The following RBM20 variants were observed in gnomAD, a reference collection of about 807,000 sequenced individuals.
The protein encoded by RBM20 is RNA-binding protein 20.
RBM20 carries 51 observed loss-of-function variants against 110.1 expected under a neutral mutation model. The observed-to-expected ratio is 0.46, with a 90% confidence interval of 0.37 to 0.59. RBM20 has a LOEUF of 0.59. RBM20 is among the 20% of genes least tolerant of loss of function. RBM20 has a pLI of 0.00. For missense variants in RBM20, 1,512 were observed against 1,574.9 expected (o/e 0.96, Z 0.68); for synonymous variants, 589 against 618.2 (o/e 0.95, Z 0.70).
At chr10:110,752,946 T>TATATATATA (rs372172985) in intron 1 of RBM20, among the ~76,000 whole-genome samples, 43 of 62,314 alleles carry the variant, frequency 6.9e-4, no homozygotes, top group African/African-American at 1.9e-3. Context: ...TATATATATA[T>TATATATATA]TTTTTTTTTT....
intron 7 of RBM20, among the ~76,000 whole-genome samples, chr10:110,809,079 G>T (rs772458759): frequency 6.6e-6 from 1 of 151,868 alleles, no homozygotes. Flanking sequence ...AGCCTGGTGT[G>T]GTGGTGAGCC....
At chr10:110,827,657 CAG>C (rs1476385189) in intron 12 of RBM20, 1 of 152,156 alleles carries the variant, frequency 6.6e-6, no homozygotes, top group Admixed American at 6.5e-5. Context: ...GGCTACTACG[CAG>C]AGTTATTTCG....
At chr10:110,702,055 G>T (rs1862766256) in intron 1 of RBM20, among the ~76,000 whole-genome samples, 1 of 152,212 alleles carries the variant, frequency 6.6e-6, no homozygotes, top group Admixed American at 6.5e-5. Context: ...GCCCCCAGAG[G>T]CACTGTGCTT....
At position 110,644,386 on chromosome 10, in the gene RBM20, G is replaced by GCGCCCGTGGCCCGGGAC; in HGVS notation, c.-63_-47dup. ...TGGGCACGGGGACCCCGGCCAGTGAGCGCCCGTGGCCCGGGACCGCCCCTC... is the reference window on the plus strand; with the variant it reads ...TGGGCACGGGGACCCCGGCCAGTGAGCGCCCGTGGCCCGGGACCGCCCGTGGCCCGGGACCGCCCCTC... On this transcript the variant is annotated 5_prime_UTR_variant, in exon 1 of 14. Transcript: ENST00000369519. This position sits in a 1 kb window ranked among gnomAD's most constrained non-coding sequence, Gnocchi z 4.3. 1 of 1,275,300 alleles carries GCGCCCGTGGCCCGGGAC rather than the reference G, an allele frequency of 7.8e-7. No individual in the cohort carries two copies. Among genetic ancestry groups the GCGCCCGTGGCCCGGGAC allele is most frequent in the Non-Finnish European group, 1.0e-6 (1 of 986,056 alleles). 79.0% of individuals were successfully genotyped at this position (1,275,300 alleles called of 1,614,324 possible).
At chr10:110,801,220 G>T (rs1008905499) in intron 7 of RBM20, among the ~76,000 whole-genome samples, 5 of 152,034 alleles carry the variant, frequency 3.3e-5, no homozygotes, top group African/African-American at 1.2e-4. Context: ...CGAGGTCAGG[G>T]GTTCAAGAGC....
intron 1 of RBM20, among the ~76,000 whole-genome samples, chr10:110,656,809 CT>C (rs1862032124): frequency 6.6e-6 from 1 of 152,192 alleles, no homozygotes; most frequent in African/African-American, 2.4e-5. Context: ...CACTTCATGC[CT>C]TTTCACTGCC....
intron 8 of RBM20, among the ~76,000 whole-genome samples, chr10:110,811,928 C>T (rs1209405176): frequency 1.3e-5 from 2 of 152,176 alleles, no homozygotes; most frequent in Admixed American, 6.5e-5. Context: ...CGCACACCCC[C>T]AGGAGGAGAG....
rs776297244 is a variant in RBM20, at chr10:110,812,331, C to T, written c.1934C>T (p.Pro645Leu). The change falls in exon 9 of 14, where the codon CCG becomes CTG. Residue 645 changes from proline (P) to leucine (L), a missense_variant. This residue lies in a region of RBM20 where 1,149 missense variants were observed against 1,169.4 expected (regional missense o/e 0.98). Transcript: ENST00000369519. ...AGTCCGGTGAGCCGGTCACTCTCCC[C>T]GAGGTCCCACACTCCCAGCTTCACC... ...SRSPVSRSLS[P>L]RSHTPSFTSC... 3.1e-5 allele frequency: 48 copies of T among 1,551,458 alleles called. No individual in the cohort carries two copies. Among genetic ancestry groups the T allele is most frequent in the South Asian group, 5.9e-5 (5 of 84,050 alleles).
chr10:110,798,761 TGAGA>T (rs1564849716), intron 6 of RBM20, among the ~76,000 whole-genome samples: 1 of 152,184 alleles, frequency 6.6e-6, no homozygotes, highest in East Asian at 1.9e-4. Flanking sequence ...TTTAAGGAAA[TGAGA>T]GAGTCAGGGG....
chr10:110,676,187 T>C (rs1862335987), intron 1 of RBM20, among the ~76,000 whole-genome samples: 1 of 152,222 alleles, frequency 6.6e-6, no homozygotes, highest in African/African-American at 2.4e-5. Context: ...ACATTTCCAT[T>C]GTACTGAAAT....
At chr10:110,676,491 A>G (rs1049122267) in intron 1 of RBM20, among the ~76,000 whole-genome samples, 5 of 152,250 alleles carry the variant, frequency 3.3e-5, no homozygotes, top group African/African-American at 1.2e-4. Flanking sequence ...GCTAATTCTA[A>G]CTATCGCTCT....
At chr10:110,736,582 C>T (rs1843672682) in intron 1 of RBM20, among the ~76,000 whole-genome samples, 1 of 152,092 alleles carries the variant, frequency 6.6e-6, no homozygotes, top group Admixed American at 6.5e-5. Flanking sequence ...CTGAGAGGGA[C>T]ATGGTGGTTG....
intron 1 of RBM20, among the ~76,000 whole-genome samples, chr10:110,668,728 C>T (rs1353933001): frequency 6.6e-6 from 1 of 152,114 alleles, no homozygotes; most frequent in East Asian, 1.9e-4. Context: ...TTCATGTCTG[C>T]TCTTTGAGGA....
chr10:110,673,393 G>A (rs1476041515), intron 1 of RBM20, among the ~76,000 whole-genome samples: 1 of 151,994 alleles, frequency 6.6e-6, no homozygotes, highest in East Asian at 1.9e-4. Flanking sequence ...TTTATTTTTA[G>A]TAGAGACAGG....
At chr10:110,646,823 C>T (rs1861875175) in intron 1 of RBM20, among the ~76,000 whole-genome samples, 1 of 152,180 alleles carries the variant, frequency 6.6e-6, no homozygotes, top group South Asian at 2.1e-4. Context: ...TATAGTGGAG[C>T]TACTGTGCTC....
At chr10:110,777,477 C>T (rs1250004592) in intron 1 of RBM20, among the ~76,000 whole-genome samples, 2 of 152,174 alleles carry the variant, frequency 1.3e-5, no homozygotes, top group African/African-American at 4.8e-5. Flanking sequence ...AGCAGGTGCT[C>T]AGCTCTGATG....
intron 1 of RBM20, among the ~76,000 whole-genome samples, chr10:110,676,226 A>G (rs1433281739): frequency 6.6e-6 from 1 of 152,216 alleles, no homozygotes; most frequent in East Asian, 1.9e-4. Flanking sequence ...CCAATTGTAC[A>G]TCCCAGGGGC....
chr10:110,711,329 CAAAAAAAAAAAAAAA>C (rs1157753270), intron 1 of RBM20, among the ~76,000 whole-genome samples: 1 of 28,402 alleles, frequency 3.5e-5, no homozygotes, highest in African/African-American at 1.6e-4. Flanking sequence ...GACTCCATCT[CAAAAAAAAAAAAAAA>C]AAAAAAAAAA....
intron 1 of RBM20, among the ~76,000 whole-genome samples, chr10:110,727,490 T>C (rs1843576562): frequency 6.6e-6 from 1 of 151,874 alleles, no homozygotes; most frequent in Admixed American, 6.5e-5. Context: ...AAATTTTGTA[T>C]GTAGTTGGGT....
Sources: allele counts gnomAD v4.1 joint callset (sites outside exome capture counted in the v4.1 genomes callset), GRCh38; gene constraint gnomAD v4.1.1; regional missense constraint gnomAD v4.1.1; non-coding constraint Gnocchi (gnomAD v3.1); transcripts MANE v1.5; gene names NCBI Gene and HGNC (gene_info 2026-07-23, HGNC 2026-07-21).